Variants in DAB2IP observed in about 807,000 individuals in gnomAD.
The protein encoded by DAB2IP is DAB2 interacting protein.
A neutral mutation model predicts 107.2 loss-of-function variants in DAB2IP; 28 were observed. The observed-to-expected ratio is 0.26, with a 90% CI of 0.19 to 0.36. DAB2IP has a LOEUF of 0.36. Among genes scored for constraint, DAB2IP ranks in the 10% least tolerant of loss-of-function variants. The pLI is 1.00. For synonymous variants in DAB2IP, 755 were observed against 706.4 expected, an observed-to-expected ratio of 1.07 and a Z score of -1.09; for missense variants, 1,400 against 1,644.7, an observed-to-expected ratio of 0.85 and a Z score of 2.57.
At chr9:121,724,906 A>C (rs1589587790) in intron 3 of DAB2IP, among the ~76,000 whole-genome samples, 2 of 152,178 alleles carry the variant, frequency 1.3e-5, no homozygotes, top group Admixed American at 1.3e-4. Context: ...TTGAGGGGTG[A>C]GGCCAAGGAG....
chr9:121,705,470 G>T (rs549178745), intron 3 of DAB2IP, among the ~76,000 whole-genome samples: 1 of 152,304 alleles, frequency 6.6e-6, no homozygotes, highest in Admixed American at 6.5e-5. Flanking sequence ...ATGTGTTCAG[G>T]TTAAGTGTTG....
At chr9:121,598,890 A>T (rs1830595498) in intron 1 of DAB2IP, among the ~76,000 whole-genome samples, 1 of 152,230 alleles carries the variant, frequency 6.6e-6, no homozygotes, top group South Asian at 2.1e-4. Flanking sequence ...TCAATAAGAT[A>T]GTCACGCTTT....
Position 121,635,017 on chromosome 9 carries a change from T to C in DAB2IP, c.41-43661T>C, listed in dbSNP as rs1161399068. On this transcript the variant is annotated intron_variant, in intron 1 of 16. Transcript: ENST00000259371. The surrounding 1 kb of genome is among the most constrained non-coding windows in gnomAD (Gnocchi z 4.3). ...CCACCCAGCCTCAGACCTGTGTATATGTGTGTGTGTGTGCGCGTGCGTGTG... is the reference window on the plus strand; with the variant it reads ...CCACCCAGCCTCAGACCTGTGTATACGTGTGTGTGTGTGCGCGTGCGTGTG... 1.3e-5 allele frequency among the ~76,000 whole-genome samples: 2 copies of C among 151,820 alleles called. No individual in the cohort carries two copies. The highest frequency in any genetic ancestry group is 1.3e-4 in the Admixed American group (2 of 15,206).
intron 3 of DAB2IP, among the ~76,000 whole-genome samples, chr9:121,712,321 C>G (rs180853238): frequency 6.6e-6 from 1 of 152,240 alleles, no homozygotes; most frequent in Non-Finnish European, 1.5e-5. Flanking sequence ...TCCCACTAAC[C>G]CTTTTTCTCT....
At chr9:121,598,428 A>T (rs1172249901) in intron 1 of DAB2IP, 3 of 152,328 alleles carry the variant, frequency 2.0e-5, no homozygotes, top group African/African-American at 7.2e-5. Context: ...CCCGGGACCG[A>T]CCACGGAGGC....
chr9:121,687,400 G>T (rs548650776), intron 2 of DAB2IP, among the ~76,000 whole-genome samples: 1 of 152,202 alleles, frequency 6.6e-6, no homozygotes, highest in Non-Finnish European at 1.5e-5. Context: ...CATGTGATCT[G>T]TCAGGCAGGG....
Position 121,760,328 on chromosome 9 carries a change from C to T in DAB2IP, c.1059C>T (p.Thr353=). The T allele has an allele frequency of 6.2e-7, 1 of 1,613,518 alleles. No homozygotes were observed. The highest frequency in any genetic ancestry group is 8.5e-7 in the Non-Finnish European group (1 of 1,180,038). The change falls in exon 6 of 16, where the codon ACC becomes ACT. Residue 353 remains threonine (T), a synonymous_variant. Transcript: ENST00000408936. This position sits in a 1 kb window ranked among gnomAD's most constrained non-coding sequence, Gnocchi z 5.9. ...ACAAAGAGTTCGCTGAGCACATCACCAACCACTACCTGGGGCTGTGTGCAG... is the reference window on the plus strand; with the variant it reads ...ACAAAGAGTTCGCTGAGCACATCACTAACCACTACCTGGGGCTGTGTGCAG...
At chr9:121,685,449 T>A (rs1414016856) in intron 2 of DAB2IP, among the ~76,000 whole-genome samples, 2 of 152,162 alleles carry the variant, frequency 1.3e-5, no homozygotes, top group African/African-American at 4.8e-5. Flanking sequence ...TTGGTAGGGT[T>A]GGGAGGCTGT....
At chr9:121,774,340 C>T (rs199878545) in exon 13 of DAB2IP, 64 of 1,613,206 alleles carry the variant, frequency 4.0e-5, no homozygotes, top group East Asian at 3.1e-4. Context: ...TGTTAGAAGA[C>T]GAGGGCCTGG....
intron 1 of DAB2IP, among the ~76,000 whole-genome samples, chr9:121,677,090 G>A (rs1833946786): frequency 6.6e-6 from 1 of 152,232 alleles, no homozygotes; most frequent in South Asian, 2.1e-4. Context: ...TCCTTGTGAT[G>A]TAGCAGTAAC....
At chr9:121,672,730 C>G (rs536223840) in intron 1 of DAB2IP, among the ~76,000 whole-genome samples, 1 of 152,228 alleles carries the variant, frequency 6.6e-6, no homozygotes, top group East Asian at 1.9e-4. Context: ...GGATCATGCT[C>G]GAAGGTCTGG....
At chr9:121,657,193 G>T (rs1376440283) in intron 1 of DAB2IP, among the ~76,000 whole-genome samples, 3 of 152,186 alleles carry the variant, frequency 2.0e-5, no homozygotes, top group Non-Finnish European at 4.4e-5. Context: ...CAGGGCCTCA[G>T]CCATGTTTCT....
chr9:121,588,455 C>A (rs1830351932), intron 1 of DAB2IP, among the ~76,000 whole-genome samples: 1 of 151,314 alleles, frequency 6.6e-6, no homozygotes, highest in African/African-American at 2.4e-5. Flanking sequence ...CAGGAGCAGG[C>A]TCTGAGAGGT....
At chr9:121,631,500 G>A (rs559307260) in intron 1 of DAB2IP, among the ~76,000 whole-genome samples, 1 of 152,182 alleles carries the variant, frequency 6.6e-6, no homozygotes, top group Non-Finnish European at 1.5e-5. Context: ...AGGGAGGTGG[G>A]AATGGAAGTC....
chr9:121,605,915 G>A (rs2118963762), intron 1 of DAB2IP, among the ~76,000 whole-genome samples: 1 of 152,182 alleles, frequency 6.6e-6, no homozygotes, highest in Non-Finnish European at 1.5e-5. Context: ...CATGAACATC[G>A]AGGAGTCACA....
At position 121,668,026 on chromosome 9, in the gene DAB2IP, A is replaced by G. The variant is rs551927859; in HGVS notation, c.125-10652A>G. ...ACCCCTGATAAACCCATCAGACCTC[A>G]TGAGACTTATTCACTACCACCAGAA... is the stretch of plus-strand genomic sequence containing the variant. On this transcript the variant is annotated intron_variant, in intron 1 of 15. Coordinates refer to ENST00000408936, the Ensembl canonical transcript of DAB2IP. Among the ~76,000 whole-genome samples the G allele has an allele frequency of 2.6e-5, 4 of 152,294 alleles. No homozygotes were observed. The South Asian group carries it at 8.3e-4, about 32-fold the overall frequency.
chr9:121,711,512 A>G (rs976480654), intron 3 of DAB2IP, among the ~76,000 whole-genome samples: 1 of 152,200 alleles, frequency 6.6e-6, no homozygotes, highest in Non-Finnish European at 1.5e-5. Context: ...CAACCCCAGG[A>G]GCAGCTGTTA....
At chr9:121,595,198 G>T (rs1830503569) in intron 1 of DAB2IP, among the ~76,000 whole-genome samples, 1 of 151,966 alleles carries the variant, frequency 6.6e-6, no homozygotes, top group Admixed American at 6.6e-5. Flanking sequence ...TTCAGAGTAG[G>T]ACTGGGTTTT....
chr9:121,756,917 G>T, intron 3 of DAB2IP, 96 bp from the exon 4 acceptor site: 1 of 1,544,338 alleles, frequency 6.5e-7, no homozygotes, highest in Non-Finnish European at 8.9e-7. Flanking sequence ...GTGGCTGCCT[G>T]CTGGAAGGGG....
Sources: allele counts gnomAD v4.1 joint callset (sites outside exome capture counted in the v4.1 genomes callset), GRCh38; gene constraint gnomAD v4.1.1; non-coding constraint Gnocchi (gnomAD v3.1); transcripts MANE v1.5; gene names NCBI Gene and HGNC (gene_info 2026-07-23, HGNC 2026-07-21).